ELP3: variants seen among roughly 807,000 people sequenced by gnomAD.
ELP3 encodes elongator complex protein 3.
Under a neutral mutation model 74.9 loss-of-function variants are expected in ELP3, and 56 were observed. That is an observed-to-expected ratio of 0.75 (90% CI 0.60 to 0.93). The LOEUF (loss-of-function observed/expected upper bound fraction) is 0.93. ELP3 is among the 40% of genes least tolerant of loss of function. The probability of loss-of-function intolerance (pLI) is 0.00; values close to 1 mark genes in which losing one functional copy is unlikely to be tolerated. For missense variants in ELP3, 573 were observed against 686.5 expected, an observed-to-expected ratio of 0.83 and a Z score of 1.85; for synonymous variants, 222 against 239.8, an observed-to-expected ratio of 0.93 and a Z score of 0.68.
chr8:28,174,906 G>T (rs898531478), intron 14 of ELP3, among the ~76,000 whole-genome samples: 4 of 152,036 alleles, frequency 2.6e-5, no homozygotes, highest in Admixed American at 2.6e-4. Flanking sequence ...TAGTTTTGTT[G>T]GATATAGAAT....
At chr8:28,109,310 G>A (rs1040215732) in intron 5 of ELP3, among the ~76,000 whole-genome samples, 2 of 152,190 alleles carry the variant, frequency 1.3e-5, no homozygotes, top group African/African-American at 2.4e-5. Context: ...AGGAAAGCTT[G>A]TGACTTTTTT....
intron 7 of ELP3, among the ~76,000 whole-genome samples, chr8:28,128,696 A>C (rs1812678674): frequency 1.3e-5 from 2 of 152,170 alleles, no homozygotes; most frequent in Non-Finnish European, 2.9e-5. Flanking sequence ...AGGTAATAGG[A>C]CACACTTCAT....
intron 14 of ELP3, among the ~76,000 whole-genome samples, chr8:28,170,550 C>T (rs774378556): frequency 2.6e-5 from 4 of 152,098 alleles, no homozygotes; most frequent in African/African-American, 7.2e-5. Context: ...TTTAGGTGCG[C>T]GTGCTGGCCA....
At chr8:28,106,625 C>A in intron 3 of ELP3, 88 bp from the exon 4 acceptor site, 3 of 1,026,546 alleles carry the variant, frequency 2.9e-6, no homozygotes, top group Non-Finnish European at 2.9e-6. Flanking sequence ...TGGTTGCATT[C>A]CTCTCCTTCC....
At chr8:28,125,139 C>G (rs368109277) in intron 7 of ELP3, among the ~76,000 whole-genome samples, 5 of 152,172 alleles carry the variant, frequency 3.3e-5, no homozygotes, top group African/African-American at 1.2e-4. Flanking sequence ...CAAGGAGTTA[C>G]ACCAATAACT....
intron 7 of ELP3, chr8:28,113,862 T>A (rs1184088419): frequency 6.6e-6 from 1 of 152,200 alleles, no homozygotes; most frequent in Non-Finnish European, 1.5e-5. Flanking sequence ...TTAATACTGT[T>A]ACAATGACAA....
chr8:28,107,867 A>G, intron 4 of ELP3, 46 bp from the exon 5 acceptor site: 4 of 1,507,184 alleles, frequency 2.7e-6, no homozygotes, highest in Non-Finnish European at 3.7e-6. Context: ...AGCTGATTGA[A>G]CTCAGTTTTG....
At chr8:28,155,834 T>G (rs1813804802) in intron 10 of ELP3, 108 bp from the exon 11 acceptor site, 1 of 838,630 alleles carries the variant, frequency 1.2e-6, no homozygotes, top group African/African-American at 1.7e-5. Context: ...TTCATAGGTT[T>G]TTTGCTTTTT....
chr8:28,171,352 CTT>C (rs35043302), intron 14 of ELP3, among the ~76,000 whole-genome samples: 5 of 148,994 alleles, frequency 3.4e-5, no homozygotes, highest in African/African-American at 9.8e-5. Context: ...TGAGATTTTT[CTT>C]TTTTTTTTTT....
At chr8:28,143,839 T>G (rs1372589240) in intron 10 of ELP3, among the ~76,000 whole-genome samples, 1 of 152,230 alleles carries the variant, frequency 6.6e-6, no homozygotes, top group Non-Finnish European at 1.5e-5. Flanking sequence ...ATTATACTTC[T>G]TAAATCCTTT....
intron 14 of ELP3, among the ~76,000 whole-genome samples, 163 bp downstream of exon 14, chr8:28,162,241 C>A (rs1814126804): frequency 6.6e-6 from 1 of 152,180 alleles, no homozygotes; most frequent in Non-Finnish European, 1.5e-5. Flanking sequence ...TTCACAAAAG[C>A]AGTTTAGTGG....
chr8:28,110,612 A>G (rs926873976), intron 6 of ELP3, 174 bp downstream of exon 6: 11 of 570,446 alleles, frequency 1.9e-5, no homozygotes, highest in Non-Finnish European at 3.1e-5. Flanking sequence ...AGCAAGGTCA[A>G]AAACACTACT....
intron 14 of ELP3, among the ~76,000 whole-genome samples, chr8:28,185,573 GGA>G (rs977782891): frequency 1.3e-5 from 2 of 152,196 alleles, no homozygotes; most frequent in African/African-American, 4.8e-5. Context: ...CAGCCAGCCT[GGA>G]GAGAGAGTGC....
intron 14 of ELP3, among the ~76,000 whole-genome samples, chr8:28,171,098 C>T (rs753809861): frequency 6.6e-6 from 1 of 152,210 alleles, no homozygotes; most frequent in Non-Finnish European, 1.5e-5. Flanking sequence ...GTCTGATAGA[C>T]ATTTCGGTTG....
rs576691080 is a variant in ELP3, at chr8:28,189,348, A to C, written c.1568-301A>C. 6.6e-5 allele frequency among the ~76,000 whole-genome samples: 10 copies of C among 152,326 alleles called. No individual in the cohort carries two copies. In the South Asian group the frequency reaches 8.3e-4, roughly 13 times the overall value. On this transcript the variant is annotated intron_variant, in intron 14 of 14. Transcript: ENST00000256398. ...CCTGGTGTTGCCAGTAGGGTAGTGA[A>C]TACGCAGGCTCCAACACACGGGTGC...
Position 28,160,541 on chromosome 8 carries a change from A to G in ELP3, c.1485+85A>G, listed in dbSNP as rs1344067306. 2.5e-6 allele frequency: 3 copies of G among 1,181,804 alleles called. No individual in the cohort carries two copies. The Admixed American group carries it at 7.2e-5, about 28-fold the overall frequency. 73.2% of individuals were successfully genotyped at this position (1,181,804 alleles called of 1,614,324 possible). ...AAGGAATGGGGTGAAGAGAAGAGGA[A>G]GAGGCAGAGGAGCAGGAGAGGGGAA... On this transcript the variant is annotated intron_variant, in intron 13 of 14. Coordinates refer to ENST00000256398, the MANE Select transcript of ELP3 (RefSeq NM_018091.6).
At chr8:28,127,876 T>C (rs1812640946) in intron 7 of ELP3, among the ~76,000 whole-genome samples, 1 of 152,204 alleles carries the variant, frequency 6.6e-6, no homozygotes. Context: ...AGAGTTCAAA[T>C]GTCCAGAATG....
chr8:28,117,345 A>T (rs1013564647), intron 7 of ELP3, among the ~76,000 whole-genome samples: 1 of 152,136 alleles, frequency 6.6e-6, no homozygotes, highest in Non-Finnish European at 1.5e-5. Flanking sequence ...TCTAGTGCTA[A>T]TGGTGCTTGA....
chr8:28,121,909 T>G (rs1178692813), intron 7 of ELP3, among the ~76,000 whole-genome samples: 2 of 152,232 alleles, frequency 1.3e-5, no homozygotes, highest in Non-Finnish European at 2.9e-5. Context: ...GTCTCTGTCT[T>G]GTTCCCAGTG....
Sources: allele counts gnomAD v4.1 joint callset (sites outside exome capture counted in the v4.1 genomes callset), GRCh38; gene constraint gnomAD v4.1.1; transcripts MANE v1.5; gene names NCBI Gene and HGNC (gene_info 2026-07-23, HGNC 2026-07-21).